JAM3: variants seen among roughly 807,000 people sequenced by gnomAD.
JAM3 encodes the protein junctional adhesion molecule C.
In JAM3, 31 loss-of-function variants were observed where a neutral mutation model predicts 39.4. The ratio of observed to expected loss-of-function variants is 0.79; its 90% confidence interval spans 0.59 to 1.06. The LOEUF is 1.06. JAM3 is among the 50% of genes least tolerant of loss of function. JAM3 has a pLI of 0.00. For missense variants in JAM3, 455 were observed against 391.4 expected (o/e 1.16, Z -1.37); for synonymous variants, 182 against 148.7 (o/e 1.22, Z -1.63).
rs967499794 is a variant in JAM3 at position 134,079,279 on chromosome 11, G to C, written c.76+10120G>C. On this transcript the variant is annotated intron_variant, in intron 1 of 8. Transcript: ENST00000299106. ...TTAACTTAAACTTTGGAGAATTATA[G>C]CTATTCCACACTAGACAGCCACCTG... Among the ~76,000 whole-genome samples, 2 of 152,104 alleles carry C rather than the reference G, an allele frequency of 1.3e-5. 1 individual carries two copies. The highest frequency in any genetic ancestry group is 2.9e-5 in the Non-Finnish European group (2 of 68,036).
At chr11:134,138,512 A>C (rs1036116897) in intron 1 of JAM3, among the ~76,000 whole-genome samples, 3 of 152,230 alleles carry the variant, frequency 2.0e-5, no homozygotes, top group Admixed American at 2.0e-4. Context: ...GTTTGTGGCC[A>C]CTTTCCTTAG....
intron 1 of JAM3, chr11:134,124,235 T>A: frequency 5.5e-6 from 7 of 1,268,992 alleles, no homozygotes; most frequent in South Asian, 2.4e-5. Context: ...TAAGTTCCTC[T>A]GGGAACTCGT....
At chr11:134,094,016 G>A (rs1941927590) in intron 1 of JAM3, among the ~76,000 whole-genome samples, 2 of 116,006 alleles carry the variant, frequency 1.7e-5, no homozygotes, top group African/African-American at 6.5e-5. Flanking sequence ...TATTCATCAT[G>A]TTCCACCTTA....
At chr11:134,112,143 G>T (rs1218807673) in intron 1 of JAM3, among the ~76,000 whole-genome samples, 1 of 152,126 alleles carries the variant, frequency 6.6e-6, no homozygotes, top group Non-Finnish European at 1.5e-5. Flanking sequence ...ATGGAGTGTG[G>T]TTGCATGGCC....
At chr11:134,076,653 A>G (rs984943750) in intron 1 of JAM3, among the ~76,000 whole-genome samples, 15 of 152,002 alleles carry the variant, frequency 9.9e-5, no homozygotes, top group African/African-American at 3.6e-4. Context: ...TAACCTAAGG[A>G]TACTTTCTCT....
At chr11:134,111,840 C>A (rs1357638559) in intron 1 of JAM3, among the ~76,000 whole-genome samples, 2 of 152,176 alleles carry the variant, frequency 1.3e-5, no homozygotes, top group East Asian at 3.8e-4. Flanking sequence ...TTCTGTAGAT[C>A]CATAAATTAA....
At chr11:134,092,944 C>T (rs1428789667) in intron 1 of JAM3, among the ~76,000 whole-genome samples, 2 of 149,730 alleles carry the variant, frequency 1.3e-5, no homozygotes, top group East Asian at 4.0e-4. Flanking sequence ...CATGTTCCAT[C>T]TTACATGTCA....
chr11:134,071,623 G>A (rs1035942283), intron 1 of JAM3, among the ~76,000 whole-genome samples: 3 of 152,144 alleles, frequency 2.0e-5, no homozygotes, highest in Non-Finnish European at 4.4e-5. Flanking sequence ...AACAGCAACA[G>A]TTTTCATTCT....
chr11:134,094,969 T>A (rs376025205), intron 1 of JAM3, among the ~76,000 whole-genome samples: 11 of 152,262 alleles, frequency 7.2e-5, no homozygotes. Flanking sequence ...TTCCTTCATA[T>A]GTAACACGTA....
At chr11:134,124,899 C>T (rs543976385) in intron 1 of JAM3, among the ~76,000 whole-genome samples, 1 of 152,354 alleles carries the variant, frequency 6.6e-6, no homozygotes, top group African/African-American at 2.4e-5. Context: ...CAACGAAAAA[C>T]GCTGGCGAGC....
intron 1 of JAM3, among the ~76,000 whole-genome samples, chr11:134,110,486 A>T (rs1942287680): frequency 6.6e-6 from 1 of 152,270 alleles, no homozygotes; most frequent in Non-Finnish European, 1.5e-5. Context: ...TTATTGATGC[A>T]TGCTGCCACA....
At chr11:134,116,058 A>C (rs998047520) in intron 1 of JAM3, among the ~76,000 whole-genome samples, 1 of 152,166 alleles carries the variant, frequency 6.6e-6, no homozygotes, top group East Asian at 1.9e-4. Flanking sequence ...TCCACTGTAA[A>C]GTTAGTATGT....
chr11:134,121,140 G>C (rs547956779), intron 1 of JAM3, among the ~76,000 whole-genome samples: 2 of 152,332 alleles, frequency 1.3e-5, no homozygotes, highest in Non-Finnish European at 2.9e-5. Flanking sequence ...TGTTGAGTTA[G>C]AACTGGGGGA....
rs1591811778 is a variant in JAM3 at position 134,149,342 on chromosome 11, C to A, written c.*161C>A. ...TTGACCACTACTCTTCTTACTCTAA[C>A]AAGCCACATGAATAGAAGAATTTTC... On this transcript the variant is annotated 3_prime_UTR_variant, in exon 9 of 9. Transcript: ENST00000299106. 1.3e-6 allele frequency: 1 copy of A among 766,766 alleles called. No homozygotes were observed. 47.5% of individuals were successfully genotyped at this position (766,766 alleles called of 1,614,324 possible). A position where few individuals can be genotyped will look rare whatever the true frequency, so the allele number is the denominator to read the frequency against.
intron 8 of JAM3, 109 bp from the exon 9 acceptor site, chr11:134,149,037 T>A: frequency 7.3e-7 from 1 of 1,362,326 alleles, no homozygotes; most frequent in Admixed American, 1.7e-5. Context: ...ATGGTACTTT[T>A]TAAGAATGAT....
At chr11:134,084,874 T>G (rs1941723881) in intron 1 of JAM3, among the ~76,000 whole-genome samples, 1 of 152,196 alleles carries the variant, frequency 6.6e-6, no homozygotes, top group Non-Finnish European at 1.5e-5. Flanking sequence ...ATACTTCTCT[T>G]TATGTTGGGT....
chr11:134,121,418 GAGTC>G (rs58198292), intron 1 of JAM3, among the ~76,000 whole-genome samples: 23,103 of 151,860 alleles, frequency 0.15, 1,900 homozygotes, highest in African/African-American at 0.22. Context: ...GAGCAGAAGC[GAGTC>G]AGTATTTCCT....
intron 4 of JAM3, 41 bp from the exon 5 acceptor site, chr11:134,144,751 C>T (rs1480289375): frequency 6.5e-7 from 1 of 1,530,794 alleles, no homozygotes. Context: ...GAATAGAGCC[C>T]TGTCACTGAG....
At chr11:134,072,473 A>T (rs1941498181) in intron 1 of JAM3, among the ~76,000 whole-genome samples, 1 of 152,014 alleles carries the variant, frequency 6.6e-6, no homozygotes, top group Non-Finnish European at 1.5e-5. Context: ...TGCCTGACTA[A>T]TTTTTTTATT....
Sources: allele counts gnomAD v4.1 joint callset (sites outside exome capture counted in the v4.1 genomes callset), GRCh38; gene constraint gnomAD v4.1.1; transcripts MANE v1.5; gene names NCBI Gene and HGNC (gene_info 2026-07-23, HGNC 2026-07-21).